Variants in SLC24A2 observed in about 807,000 individuals in gnomAD.
SLC24A2 encodes the protein solute carrier family 24 member 2, also known as sodium/potassium/calcium exchanger 2.
A neutral mutation model predicts 62.0 loss-of-function variants in SLC24A2; 36 were observed. The observed-to-expected ratio is 0.58, with a 90% CI of 0.44 to 0.77. SLC24A2 has a LOEUF of 0.77. Ranked by LOEUF, SLC24A2 falls within the 30% of genes least tolerant of loss-of-function variation. The pLI is 0.00. For synonymous variants in SLC24A2, 358 were observed against 294.0 expected (o/e 1.22, Z -2.23); for missense variants, 846 against 817.9 (o/e 1.03, Z -0.42).
the SLC24A2 span, among the ~76,000 whole-genome samples, chr9:19,822,486 T>A: frequency 6.6e-6 from 1 of 152,178 alleles, no homozygotes; most frequent in African/African-American, 2.4e-5. Flanking sequence ...CACCGATGTC[T>A]CATCTTTTCT....
intron 2 of SLC24A2, among the ~76,000 whole-genome samples, chr9:19,766,161 C>G (rs377383367): frequency 5.3e-5 from 8 of 152,148 alleles, no homozygotes; most frequent in Non-Finnish European, 8.8e-5. Flanking sequence ...CATTTATGTT[C>G]TTCTCTAAAG....
At chr9:19,858,690 A>G in the SLC24A2 span, among the ~76,000 whole-genome samples, 1 of 148,820 alleles carries the variant, frequency 6.7e-6, no homozygotes, top group Admixed American at 6.6e-5. Context: ...GAGCAGGCAA[A>G]TGACATGAAC....
the SLC24A2 span, among the ~76,000 whole-genome samples, chr9:20,188,549 G>C: frequency 6.6e-6 from 1 of 152,184 alleles, no homozygotes; most frequent in South Asian, 2.1e-4. Flanking sequence ...TGGTGAAAAG[G>C]GCTTGAAAAT....
At chr9:19,567,271 G>A (rs1423250404) in intron 7 of SLC24A2, among the ~76,000 whole-genome samples, 1 of 151,706 alleles carries the variant, frequency 6.6e-6, no homozygotes, top group Non-Finnish European at 1.5e-5. Context: ...TATGGGCCGG[G>A]CACGGTGGCT....
At chr9:19,775,487 A>G (rs1021649576) in intron 2 of SLC24A2, among the ~76,000 whole-genome samples, 5 of 152,228 alleles carry the variant, frequency 3.3e-5, no homozygotes, top group African/African-American at 1.2e-4. Flanking sequence ...AGAAATCTGC[A>G]TTGGTCAGAG....
the SLC24A2 span, among the ~76,000 whole-genome samples, chr9:19,828,198 A>C: frequency 6.6e-6 from 1 of 152,220 alleles, no homozygotes; most frequent in Non-Finnish European, 1.5e-5. Flanking sequence ...TCTAGTATTG[A>C]ATAAGATCTA....
chr9:19,916,161 C>T, the SLC24A2 span, among the ~76,000 whole-genome samples: 60 of 152,022 alleles, frequency 3.9e-4, no homozygotes, highest in Non-Finnish European at 7.7e-4. Flanking sequence ...ATTGAAAAGA[C>T]TATTCTTTCC....
the SLC24A2 span, among the ~76,000 whole-genome samples, chr9:19,992,599 C>T: frequency 3.0e-4 from 46 of 152,304 alleles, no homozygotes; most frequent in African/African-American, 1.0e-3. Context: ...TTATGTGCTT[C>T]TGCAAGAATC....
the SLC24A2 span, among the ~76,000 whole-genome samples, chr9:20,292,429 C>T: frequency 1.8e-4 from 28 of 152,292 alleles, no homozygotes; most frequent in East Asian, 3.3e-3. Context: ...GTCACATATA[C>T]GCCTTCTTAA....
the SLC24A2 span, among the ~76,000 whole-genome samples, chr9:20,146,555 G>A: frequency 2.6e-5 from 4 of 152,104 alleles, no homozygotes; most frequent in Non-Finnish European, 5.9e-5. Context: ...AGGGGAACAT[G>A]CAGGCAGTAA....
At chr9:19,876,732 A>G in the SLC24A2 span, among the ~76,000 whole-genome samples, 1 of 152,078 alleles carries the variant, frequency 6.6e-6, no homozygotes, top group African/African-American at 2.4e-5. Context: ...CCATGGGAAA[A>G]GTTAATTTTT....
the SLC24A2 span, among the ~76,000 whole-genome samples, chr9:20,199,722 C>CT: frequency 0.013 from 1,852 of 145,562 alleles, 32 homozygotes; most frequent in African/African-American, 0.039. Flanking sequence ...TTTTTTCTTT[C>CT]TTTTTTTTTT....
the SLC24A2 span, among the ~76,000 whole-genome samples, chr9:20,095,946 T>C: frequency 2.6e-5 from 4 of 152,146 alleles, no homozygotes; most frequent in East Asian, 3.9e-4. Context: ...ATGAGAACAG[T>C]ATGGGGGAAA....
chr9:20,219,689 T>C, the SLC24A2 span, among the ~76,000 whole-genome samples: 1 of 152,200 alleles, frequency 6.6e-6, no homozygotes, highest in Non-Finnish European at 1.5e-5. Flanking sequence ...TTTCCTGTTC[T>C]GCATCTGTGT....
the SLC24A2 span, among the ~76,000 whole-genome samples, chr9:20,156,211 T>C: frequency 6.6e-6 from 1 of 151,824 alleles, no homozygotes; most frequent in African/African-American, 2.4e-5. Flanking sequence ...ATGATATTCA[T>C]GTCAAACATT....
chr9:19,961,975 T>C, the SLC24A2 span, among the ~76,000 whole-genome samples: 2 of 152,236 alleles, frequency 1.3e-5, no homozygotes, highest in African/African-American at 4.8e-5. Context: ...TCTCAGAAAC[T>C]ATGAGATAAT....
At chr9:19,717,814 C>A (rs1820901998) in intron 2 of SLC24A2, among the ~76,000 whole-genome samples, 1 of 152,064 alleles carries the variant, frequency 6.6e-6, no homozygotes, top group African/African-American at 2.4e-5. Flanking sequence ...CTGGAGTAGG[C>A]TTTTCCATTA....
At chr9:20,030,475 A>G in the SLC24A2 span, among the ~76,000 whole-genome samples, 1 of 152,182 alleles carries the variant, frequency 6.6e-6, no homozygotes, top group South Asian at 2.1e-4. Context: ...TCCAAGTGCC[A>G]TACTATGAGG....
At chr9:19,956,493 C>T in the SLC24A2 span, among the ~76,000 whole-genome samples, 3 of 152,100 alleles carry the variant, frequency 2.0e-5, no homozygotes, top group Middle Eastern at 3.4e-3. Context: ...AAGACATATC[C>T]GAGACTGGGA....
Sources: gnomAD v4.1 joint callset for allele counts (sites outside exome capture counted in the v4.1 genomes callset) on GRCh38, gnomAD v4.1.1 for gene constraint, MANE v1.5 for transcripts, NCBI Gene and HGNC (gene_info 2026-07-23, HGNC 2026-07-21) for gene names.